The following IFI44L variants were observed in gnomAD, a reference collection of about 807,000 sequenced individuals.
IFI44L encodes the protein interferon-induced protein 44-like.
IFI44L carries 40 observed loss-of-function variants against 39.3 expected under a neutral mutation model. That is an observed-to-expected ratio of 1.02 (90% confidence interval 0.79 to 1.33). IFI44L has a LOEUF of 1.33. Among genes scored for constraint, IFI44L ranks in the 40% most tolerant of loss-of-function variants. The pLI is 0.00. For synonymous variants in IFI44L, 198 were observed against 182.3 expected, an observed-to-expected ratio of 1.09 and a Z score of -0.69; for missense variants, 623 against 549.0, an observed-to-expected ratio of 1.13 and a Z score of -1.35.
chr1:78,627,813 G>A (rs958621995), intron 1 of IFI44L, 93 bp from the exon 2 acceptor site: 1 of 623,142 alleles, frequency 1.6e-6, no homozygotes, highest in African/African-American at 1.9e-5. Flanking sequence ...TTGAGTCAGT[G>A]AATAAAGAAC....
In IFI44L at chr1:78,645,639, A is replaced by G. The variant is rs1647037718; in HGVS notation, c.*3830A>G. On this transcript the variant is annotated 3_prime_UTR_variant, in exon 9 of 9. Coordinates refer to ENST00000370751, the MANE Select transcript of IFI44L (RefSeq NM_006820.4). ...GATGGCAAGGCTGATCAAAGTCGTC[A>G]TGGAATCCTGCAACCAAAAGCCATG... The G allele has an allele frequency of 6.6e-6, 1 of 152,252 alleles. No homozygotes were observed. Among genetic ancestry groups the G allele is most frequent in the Non-Finnish European group, 1.5e-5 (1 of 68,044 alleles). The allele number at this position is 152,252 out of a possible 1,614,324, so 9.4% of individuals were successfully genotyped here.
At chr1:78,622,170 T>TA (rs1487150745) in intron 1 of IFI44L, among the ~76,000 whole-genome samples, 1 of 152,206 alleles carries the variant, frequency 6.6e-6, no homozygotes, top group Non-Finnish European at 1.5e-5. Context: ...TGATCTAAAA[T>TA]GATGAGTGAG....
chr1:78,625,014 C>T (rs1403075013), intron 1 of IFI44L, among the ~76,000 whole-genome samples: 1 of 151,212 alleles, frequency 6.6e-6, no homozygotes, highest in Non-Finnish European at 1.5e-5. Context: ...GGACAGCATG[C>T]TGTTGTATTT....
At chr1:78,636,966 T>G in intron 5 of IFI44L, 66 bp from the exon 6 acceptor site, 1 of 1,199,896 alleles carries the variant, frequency 8.3e-7, no homozygotes, top group Non-Finnish European at 1.2e-6. Flanking sequence ...GAAGCATTAA[T>G]TGTGTCTTTA....
chr1:78,632,090 T>G (rs2100492205), intron 4 of IFI44L, among the ~76,000 whole-genome samples: 1 of 152,292 alleles, frequency 6.6e-6, no homozygotes, highest in East Asian at 1.9e-4. Flanking sequence ...GCAGTTGTCT[T>G]TAGAAAAAGC....
At chr1:78,635,156 C>A (rs1466728464) in intron 4 of IFI44L, among the ~76,000 whole-genome samples, 181 bp from the exon 5 acceptor site, 6 of 151,856 alleles carry the variant, frequency 4.0e-5, no homozygotes, top group Middle Eastern at 3.4e-3. Flanking sequence ...ATAGATATAA[C>A]CCACATAAAC....
chr1:78,636,628 T>A (rs1317257589), intron 5 of IFI44L: 1 of 154,702 alleles, frequency 6.5e-6, no homozygotes, highest in Non-Finnish European at 1.4e-5. Flanking sequence ...TTTCAACATA[T>A]TTTTCTTTCT....
chr1:78,629,772 T>C lies in IFI44L; in HGVS notation c.580T>C (p.Leu194=), dbSNP rs751965469. 2 of 1,613,662 alleles carry C rather than the reference T, an allele frequency of 1.2e-6. No homozygotes were observed. The highest frequency in any genetic ancestry group is 1.1e-5 in the South Asian group (1 of 91,076). The part of the protein sequence containing the change: ...DIRDYRPYAD[L]VSEIRILLVG... ...CAGAGACTATAGGCCCTATGCAGAC[T>C]TGGTTTCAGAAATTCGTATTCTTTT... Residue 194 remains leucine, a synonymous_variant, in exon 4 of 9, where the codon TTG becomes CTG. Transcript: ENST00000370751.
Position 78,630,158 on chromosome 1 carries a change from A to C in IFI44L, c.723+243A>C, listed in dbSNP as rs557080542. 1.0e-3 allele frequency: 392 copies of C among 392,154 alleles called. 1 individual carries two copies. Among genetic ancestry groups the C allele is most frequent in the Non-Finnish European group, 1.5e-3 (329 of 216,524 alleles). 24.3% of individuals were successfully genotyped at this position (392,154 alleles called of 1,614,324 possible). On this transcript the variant is annotated intron_variant, in intron 4 of 8. Coordinates refer to ENST00000370751, the MANE Select transcript of IFI44L (RefSeq NM_006820.4). Reference sequence around the variant, plus strand: ...CTTTTTAGTATTTGTATAAAAAACAACAAAAAATTAAAAACCCTATGAAAA... The same window carrying C: ...CTTTTTAGTATTTGTATAAAAAACACCAAAAAATTAAAAACCCTATGAAAA...
chr1:78,627,370 G>T (rs273260), intron 1 of IFI44L: 145,434 of 152,060 alleles, frequency 0.96, 69,626 homozygotes, highest in East Asian at 1. Flanking sequence ...TTTATGTGCT[G>T]TTTTTTGCAA....
At chr1:78,632,669 C>G (rs372944772) in intron 4 of IFI44L, among the ~76,000 whole-genome samples, 2 of 152,118 alleles carry the variant, frequency 1.3e-5, no homozygotes, top group East Asian at 3.8e-4. Context: ...GAAAGCTATA[C>G]AGTGAAATAT....
At chr1:78,631,700 T>C (rs1026671516) in intron 4 of IFI44L, 1 of 152,186 alleles carries the variant, frequency 6.6e-6, no homozygotes, top group Non-Finnish European at 1.5e-5. Context: ...TCTGTTGTGC[T>C]TCTCAAAGTG....
chr1:78,641,663 T>A lies in IFI44L; in HGVS notation c.1324+54T>A. ...TAGATCACTGGTGCCTTTTGAAAAATCCTAAGTTATACATCAGTTATTAGA... is the reference window on the plus strand; with the variant it reads ...TAGATCACTGGTGCCTTTTGAAAAAACCTAAGTTATACATCAGTTATTAGA... On this transcript the variant is annotated intron_variant, in intron 8 of 8. Transcript: ENST00000370751. 3 of 1,610,380 alleles carry A rather than the reference T, an allele frequency of 1.9e-6. No homozygotes were observed. In the East Asian group the frequency reaches 6.7e-5, roughly 36 times the overall value.
intron 1 of IFI44L, chr1:78,625,834 C>T (rs1044351185): frequency 6.6e-6 from 1 of 151,744 alleles, no homozygotes; most frequent in Non-Finnish European, 1.5e-5. Context: ...TAACAAGTAT[C>T]TTTTGTCATT....
chr1:78,643,652 G>GTTTTTTTTTTTTTTTTTT lies in IFI44L; in HGVS notation c.*1858_*1859insTTTTTTTTTTTTTTTTTT, dbSNP rs199785880. The stretch of plus-strand genomic sequence containing the variant: ...TTTGTTTTGTTTTTTTTTTGTTGTT[G>GTTTTTTTTTTTTTTTTTT]TTTTTTTTTTTTTTTGTTTTTTTGC... On this transcript the variant is annotated 3_prime_UTR_variant, in exon 9 of 9. Coordinates refer to ENST00000370751, the MANE Select transcript of IFI44L (RefSeq NM_006820.4). 3.1e-5 allele frequency: 3 copies of GTTTTTTTTTTTTTTTTTT among 95,908 alleles called. No individual in the cohort carries two copies. Among genetic ancestry groups the GTTTTTTTTTTTTTTTTTT allele is most frequent in the Non-Finnish European group, 5.1e-5 (2 of 39,260 alleles). 5.9% of individuals were successfully genotyped at this position (95,908 alleles called of 1,614,324 possible).
intron 1 of IFI44L, chr1:78,625,964 T>TAAAAAAATTGA (rs1652470017): frequency 6.6e-6 from 1 of 151,902 alleles, no homozygotes; most frequent in Admixed American, 6.6e-5. Flanking sequence ...TTCTGGCATA[T>TAAAAAAATTGA]ACTGTCTGTT....
rs1422357361 is a variant in IFI44L at position 78,645,702 on chromosome 1, T to A, written c.*3893T>A. On this transcript the variant is annotated 3_prime_UTR_variant, in exon 9 of 9. Coordinates refer to ENST00000370751, the MANE Select transcript of IFI44L (RefSeq NM_006820.4). ...CCCTCAAATCCCATTCCTAATCTGATGAGTCTATGGACCAATTTGTGGAGG... is the reference window on the plus strand; with the variant it reads ...CCCTCAAATCCCATTCCTAATCTGAAGAGTCTATGGACCAATTTGTGGAGG... The A allele has an allele frequency of 6.6e-6, 1 of 152,226 alleles. No individual in the cohort carries two copies. The highest frequency in any genetic ancestry group is 1.9e-4 in the East Asian group (1 of 5,206). 9.4% of individuals were successfully genotyped at this position (152,226 alleles called of 1,614,324 possible). A position where few individuals can be genotyped will look rare whatever the true frequency, so the allele number is the denominator to read the frequency against.
chr1:78,636,071 A>G (rs1652940542), intron 5 of IFI44L: 1 of 152,130 alleles, frequency 6.6e-6, no homozygotes, highest in Non-Finnish European at 1.5e-5. Context: ...GTTCTCAAAA[A>G]AGCCAACAAT....
At chr1:78,640,180 G>A (rs1218770761) in intron 6 of IFI44L, among the ~76,000 whole-genome samples, 1 of 152,084 alleles carries the variant, frequency 6.6e-6, no homozygotes, top group East Asian at 1.9e-4. Context: ...TGTCCTTGGC[G>A]TGCTGGATGG....
Sources: gnomAD v4.1 joint callset for allele counts (sites outside exome capture counted in the v4.1 genomes callset) on GRCh38, gnomAD v4.1.1 for gene constraint, MANE v1.5 for transcripts, NCBI Gene and HGNC (gene_info 2026-07-23, HGNC 2026-07-21) for gene names.